Variants in C12orf56 observed in about 807,000 individuals in gnomAD.
C12orf56 encodes uncharacterized protein C12orf56.
C12orf56 carries 71 observed loss-of-function variants against 69.9 expected under a neutral mutation model. The observed-to-expected ratio is 1.02, with a 90% confidence interval of 0.84 to 1.24. C12orf56 has a LOEUF of 1.24. C12orf56 is among the 50% of genes most tolerant of loss of function. C12orf56 has a pLI of 0.00. For missense variants in C12orf56, 732 were observed against 738.5 expected, an observed-to-expected ratio of 0.99 and a Z score of 0.10; for synonymous variants, 276 against 274.1, an observed-to-expected ratio of 1.01 and a Z score of -0.07.
At chr12:64,270,458 G>T in intron 12 of C12orf56, 78 bp downstream of exon 12, 2 of 1,161,906 alleles carry the variant, frequency 1.7e-6, no homozygotes, top group Non-Finnish European at 2.4e-6. Context: ...TCTAAATATT[G>T]GACCATGTTG....
rs1295653009 is a variant in C12orf56 at position 64,330,968 on chromosome 12, A to G, written c.480T>C (p.Ser160=). Residue 160 remains serine, a synonymous_variant, in exon 3 of 13, where the codon TCT becomes TCC. Coordinates refer to ENST00000543942, the MANE Select transcript of C12orf56 (RefSeq NM_001170633.2). ...RSKESRSLKE[S]PLRDQQESST... ...CCAAACAACAATCTCACCTGAGAGG[A>G]GATTCTTTCAGACTTCTGGACTCTT... is the stretch of plus-strand genomic sequence containing the variant. 1 of 1,554,256 alleles carries G rather than the reference A, an allele frequency of 6.4e-7. No homozygotes were observed. Among genetic ancestry groups the G allele is most frequent in the Non-Finnish European group, 8.7e-7 (1 of 1,147,894 alleles).
intron 1 of C12orf56, among the ~76,000 whole-genome samples, chr12:64,359,875 C>T (rs989739299): frequency 3.9e-5 from 6 of 152,062 alleles, no homozygotes; most frequent in East Asian, 1.9e-4. Context: ...TCAACATGTC[C>T]GGCTAATTTT....
intron 1 of C12orf56, among the ~76,000 whole-genome samples, chr12:64,381,080 C>A (rs1303765359): frequency 6.6e-6 from 1 of 152,078 alleles, no homozygotes; most frequent in Non-Finnish European, 1.5e-5. Flanking sequence ...TATTATTACT[C>A]AAAATAGTCT....
intron 3 of C12orf56, among the ~76,000 whole-genome samples, chr12:64,325,166 A>G (rs1461998066): frequency 1.3e-5 from 2 of 152,104 alleles, no homozygotes; most frequent in African/African-American, 4.8e-5. Context: ...ACCCCAGAAG[A>G]TCTAGGCTAA....
intron 9 of C12orf56, among the ~76,000 whole-genome samples, chr12:64,276,993 T>TTAAAAAAAAA (rs1230405671): frequency 1.9e-4 from 13 of 69,214 alleles, no homozygotes; most frequent in African/African-American, 5.8e-4. Context: ...AACCCTTTCT[T>TTAAAAAAAAA]AAAAAAAAAA....
chr12:64,332,609 G>A (rs2038946276), intron 2 of C12orf56, among the ~76,000 whole-genome samples: 1 of 120,074 alleles, frequency 8.3e-6, no homozygotes, highest in African/African-American at 3.5e-5. Context: ...AGACGTCTTA[G>A]TTATTTCAAG....
intron 11 of C12orf56, among the ~76,000 whole-genome samples, chr12:64,274,321 C>T (rs1159149477): frequency 1.3e-5 from 2 of 152,284 alleles, no homozygotes; most frequent in East Asian, 1.9e-4. Flanking sequence ...AGGAAGCTGT[C>T]GGCCATAGCA....
At chr12:64,347,511 C>A (rs2039162510) in intron 2 of C12orf56, among the ~76,000 whole-genome samples, 1 of 152,072 alleles carries the variant, frequency 6.6e-6, no homozygotes, top group Non-Finnish European at 1.5e-5. Context: ...GTCTCGAACT[C>A]CTGACTTCAT....
At chr12:64,303,440 T>A (rs2038472820) in intron 6 of C12orf56, among the ~76,000 whole-genome samples, 195 bp downstream of exon 6, 2 of 150,512 alleles carry the variant, frequency 1.3e-5, no homozygotes, top group Admixed American at 1.3e-4. Flanking sequence ...CCATCTCCCC[T>A]CCACACACAC....
intron 11 of C12orf56, among the ~76,000 whole-genome samples, chr12:64,271,539 C>CA (rs2037990942): frequency 6.6e-6 from 1 of 152,132 alleles, no homozygotes; most frequent in African/African-American, 2.4e-5. Context: ...AAACTCTAAC[C>CA]AACAGGTCAC....
intron 1 of C12orf56, among the ~76,000 whole-genome samples, chr12:64,363,639 A>G (rs2039426802): frequency 1.3e-5 from 2 of 152,186 alleles, no homozygotes; most frequent in African/African-American, 2.4e-5. Flanking sequence ...ATAGATGATC[A>G]TGGGAATAGC....
intron 1 of C12orf56, among the ~76,000 whole-genome samples, chr12:64,363,006 G>C (rs1398959451): frequency 6.6e-6 from 1 of 152,142 alleles, no homozygotes; most frequent in Non-Finnish European, 1.5e-5. Context: ...ATTGCAACCT[G>C]TTTTATCAGC....
intron 1 of C12orf56, among the ~76,000 whole-genome samples, chr12:64,367,358 AT>A (rs1166662701): frequency 2.8e-5 from 4 of 142,834 alleles, no homozygotes; most frequent in Non-Finnish European, 4.5e-5. Context: ...ATTATATTAT[AT>A]TATATATAGT....
At chr12:64,296,007 C>T (rs2038359796) in intron 6 of C12orf56, among the ~76,000 whole-genome samples, 1 of 152,042 alleles carries the variant, frequency 6.6e-6, no homozygotes, top group Non-Finnish European at 1.5e-5. Context: ...AGCATTATTT[C>T]TGTTATGTCT....
intron 2 of C12orf56, among the ~76,000 whole-genome samples, chr12:64,347,699 T>C (rs2039165233): frequency 6.6e-6 from 1 of 152,136 alleles, no homozygotes; most frequent in African/African-American, 2.4e-5. Flanking sequence ...ATCTAATTAA[T>C]TGACCTAAGG....
Position 64,308,889 on chromosome 12 carries a change from G to GAAGAAAGAAAGA in C12orf56, c.968+3778_968+3789dup, listed in dbSNP as rs1173081507. On this transcript the variant is annotated intron_variant, in intron 5 of 12. Transcript: ENST00000543942. ...AGAAAAGAAAGAAAGAAACAGAAAG[G>GAAGAAAGAAAGA]AAGAAAGAAAGAAAGAAAGAAAGAA... is the stretch of plus-strand genomic sequence containing the variant. Among the ~76,000 whole-genome samples, 81 of 69,322 alleles carry GAAGAAAGAAAGA rather than the reference G, an allele frequency of 1.2e-3. 2 individuals are homozygous for GAAGAAAGAAAGA. Among genetic ancestry groups the GAAGAAAGAAAGA allele is most frequent in the African/African-American group, 2.0e-3 (30 of 14,722 alleles). 45.5% of individuals were successfully genotyped at this position (69,322 alleles called of 152,430 possible).
At chr12:64,309,848 C>A (rs2038582116) in intron 5 of C12orf56, among the ~76,000 whole-genome samples, 1 of 152,040 alleles carries the variant, frequency 6.6e-6, no homozygotes, top group Non-Finnish European at 1.5e-5. Flanking sequence ...TCAGGTTTAA[C>A]CGTTTTAACA....
intron 8 of C12orf56, among the ~76,000 whole-genome samples, chr12:64,281,162 A>G (rs889934313): frequency 2.6e-5 from 4 of 152,182 alleles, no homozygotes; most frequent in African/African-American, 9.6e-5. Context: ...AATCCCAGCT[A>G]TTCAGGAGGC....
At chr12:64,285,781 CTG>C (rs1362341050) in intron 7 of C12orf56, among the ~76,000 whole-genome samples, 171 bp downstream of exon 7, 1 of 146,964 alleles carries the variant, frequency 6.8e-6, no homozygotes, top group Non-Finnish European at 1.5e-5. Flanking sequence ...GAGCGAGACT[CTG>C]TCTCAAGAGA....
Sources: allele counts gnomAD v4.1 joint callset (sites outside exome capture counted in the v4.1 genomes callset), GRCh38; gene constraint gnomAD v4.1.1; transcripts MANE v1.5; gene names NCBI Gene and HGNC (gene_info 2026-07-23, HGNC 2026-07-21).